CPSF3: variants seen among roughly 807,000 people sequenced by gnomAD.
The protein encoded by CPSF3 is cleavage and polyadenylation specific factor 3, also known as cleavage and polyadenylation specificity factor subunit 3.
A neutral mutation model predicts 84.1 loss-of-function variants in CPSF3; 57 were observed. The observed-to-expected ratio is 0.68, with a 90% CI of 0.55 to 0.85. The LOEUF is 0.85. Among genes scored for constraint, CPSF3 ranks in the 40% least tolerant of loss-of-function variants. The pLI, the probability that CPSF3 is intolerant of heterozygous loss-of-function variation, is 0.00. For synonymous variants in CPSF3, 275 were observed against 278.1 expected (o/e 0.99, Z 0.11); for missense variants, 522 against 838.8 (o/e 0.62, Z 4.66).
intron 6 of CPSF3, among the ~76,000 whole-genome samples, chr2:9,434,409 G>A (rs912426730): frequency 1.3e-5 from 2 of 151,934 alleles, no homozygotes; most frequent in Non-Finnish European, 2.9e-5. Context: ...TTTTTGTAGT[G>A]CAGTTTCACT....
chr2:9,460,614 A>C (rs1425412354), intron 15 of CPSF3, among the ~76,000 whole-genome samples: 1 of 151,762 alleles, frequency 6.6e-6, no homozygotes, highest in Non-Finnish European at 1.5e-5. Flanking sequence ...TTTTTGTGTT[A>C]CTTCTTTGAT....
intron 16 of CPSF3, 21 bp from the exon 17 acceptor site, chr2:9,471,322 T>G: frequency 6.9e-7 from 1 of 1,448,290 alleles, no homozygotes. Flanking sequence ...TCACTAATCC[T>G]GCATTTCTGC....
At chr2:9,448,983 G>A (rs148524749) in intron 11 of CPSF3, among the ~76,000 whole-genome samples, 9 of 152,236 alleles carry the variant, frequency 5.9e-5, no homozygotes, top group African/African-American at 2.2e-4. Context: ...ATAGCCTTGT[G>A]TCCACCTCTT....
chr2:9,434,124 T>C (rs113845476), intron 6 of CPSF3, among the ~76,000 whole-genome samples, 164 bp downstream of exon 6: 12,154 of 152,142 alleles, frequency 0.08, 1,608 homozygotes, highest in African/African-American at 0.27. Context: ...CTCACACCTG[T>C]AATCCTAGCG....
At chr2:9,463,327 G>A (rs1316589963) in intron 15 of CPSF3, among the ~76,000 whole-genome samples, 3 of 152,226 alleles carry the variant, frequency 2.0e-5, no homozygotes, top group African/African-American at 7.2e-5. Context: ...AGAAAGCAGA[G>A]GCTCCAGCTG....
At chr2:9,439,682 A>G (rs1680905670) in intron 7 of CPSF3, among the ~76,000 whole-genome samples, 1 of 152,152 alleles carries the variant, frequency 6.6e-6, no homozygotes, top group African/African-American at 2.4e-5. Context: ...GAAACTGGTT[A>G]GTAGGTTTTT....
intron 11 of CPSF3, among the ~76,000 whole-genome samples, chr2:9,450,634 G>A (rs911190224): frequency 2.6e-5 from 4 of 151,980 alleles, no homozygotes; most frequent in African/African-American, 2.4e-5. Flanking sequence ...CTAAAGATAC[G>A]AAAATTAGCC....
intron 8 of CPSF3, among the ~76,000 whole-genome samples, chr2:9,441,508 C>G (rs1425392812): frequency 6.6e-6 from 1 of 152,142 alleles, no homozygotes; most frequent in Non-Finnish European, 1.5e-5. Flanking sequence ...TTTGACTCTT[C>G]CTTTTACTTT....
At chr2:9,444,178 G>A (rs911265665) in intron 10 of CPSF3, among the ~76,000 whole-genome samples, 4 of 118,600 alleles carry the variant, frequency 3.4e-5, no homozygotes, top group South Asian at 2.6e-4. Context: ...TTTTTGAGGC[G>A]GAGTCTTGCT....
chr2:9,449,516 C>T (rs892289205), intron 11 of CPSF3, among the ~76,000 whole-genome samples: 13 of 152,062 alleles, frequency 8.5e-5, no homozygotes, highest in South Asian at 4.1e-4. Flanking sequence ...CCAAGTCAGG[C>T]GAATCGCTTT....
chr2:9,448,174 T>C, intron 10 of CPSF3, 24 bp from the exon 11 acceptor site: 1 of 1,446,368 alleles, frequency 6.9e-7, no homozygotes, highest in Non-Finnish European at 9.5e-7. Context: ...TTCCATATAT[T>C]CTTTTAACAT....
chr2:9,444,157 TA>T (rs200823377), intron 10 of CPSF3, among the ~76,000 whole-genome samples: 3,330 of 137,476 alleles, frequency 0.024, 133 homozygotes, highest in African/African-American at 0.089. Context: ...TATATATATA[TA>T]TTTTTTTTTT....
intron 11 of CPSF3, among the ~76,000 whole-genome samples, 184 bp downstream of exon 11, chr2:9,448,534 GA>G (rs1325815251): frequency 1.3e-5 from 2 of 152,036 alleles, no homozygotes; most frequent in African/African-American, 4.8e-5. Flanking sequence ...TCTTCAGGTG[GA>G]AAATGTTCAG....
rs562728708 is a variant in CPSF3 at position 9,428,230 on chromosome 2, C to T, written c.51-535C>T. Among the ~76,000 whole-genome samples the T allele has an allele frequency of 5.9e-5, 9 of 151,332 alleles. No individual in the cohort carries two copies. In the East Asian group the frequency reaches 1.7e-3, roughly 29 times the overall value. Reference sequence around the variant, plus strand: ...CCAGGATGGGTCTCGATATCCTGATCTCGTGATCTGCCTGCCTCGGCCTCC... The same window carrying T: ...CCAGGATGGGTCTCGATATCCTGATTTCGTGATCTGCCTGCCTCGGCCTCC... On this transcript the variant is annotated intron_variant, in intron 1 of 17. Transcript: ENST00000238112.
At chr2:9,429,551 T>A (rs1415555078) in intron 2 of CPSF3, among the ~76,000 whole-genome samples, 1 of 152,238 alleles carries the variant, frequency 6.6e-6, no homozygotes, top group Non-Finnish European at 1.5e-5. Context: ...TTCCCATTTC[T>A]AATTATTATC....
At chr2:9,428,292 C>T (rs550650478) in intron 1 of CPSF3, among the ~76,000 whole-genome samples, 6 of 152,030 alleles carry the variant, frequency 3.9e-5, no homozygotes, top group Admixed American at 2.0e-4. Flanking sequence ...CCACCGCACC[C>T]GGCCATTTAA....
intron 10 of CPSF3, among the ~76,000 whole-genome samples, chr2:9,444,145 T>C (rs1464554193): frequency 2.8e-5 from 4 of 140,772 alleles, no homozygotes; most frequent in Non-Finnish European, 6.1e-5. Context: ...ATATATTATA[T>C]ATATATATAT....
intron 1 of CPSF3, among the ~76,000 whole-genome samples, chr2:9,425,598 G>A (rs1680362345): frequency 6.6e-6 from 1 of 152,154 alleles, no homozygotes; most frequent in Non-Finnish European, 1.5e-5. Context: ...GGGGAGGGAA[G>A]GCAGGGCAGA....
At chr2:9,440,699 TA>T in intron 8 of CPSF3, 33 bp downstream of exon 8, 2 of 1,609,070 alleles carry the variant, frequency 1.2e-6, no homozygotes, top group Non-Finnish European at 1.7e-6. Flanking sequence ...CAAGGATGGA[TA>T]AAACCAAATC....
Sources: allele counts gnomAD v4.1 joint callset (sites outside exome capture counted in the v4.1 genomes callset), GRCh38; gene constraint gnomAD v4.1.1; transcripts MANE v1.5; gene names NCBI Gene and HGNC (gene_info 2026-07-23, HGNC 2026-07-21).